HERC1: variants seen among roughly 807,000 people sequenced by gnomAD.
HERC1 encodes probable E3 ubiquitin-protein ligase HERC1.
HERC1 carries 160 observed loss-of-function variants against 554.3 expected under a neutral mutation model. The observed-to-expected ratio is 0.29, with a 90% CI of 0.25 to 0.33. The LOEUF is 0.33. Ranked by LOEUF, HERC1 falls within the 10% of genes least tolerant of loss-of-function variation. The probability of loss-of-function intolerance (pLI) is 1.00; values close to 1 mark genes in which losing one functional copy is unlikely to be tolerated. For synonymous variants in HERC1, 2,175 were observed against 2,131.7 expected, an observed-to-expected ratio of 1.02 and a Z score of -0.56; for missense variants, 4,919 against 5,918.5, an observed-to-expected ratio of 0.83 and a Z score of 5.54.
intron 3 of HERC1, among the ~76,000 whole-genome samples, chr15:63,763,813 G>T (rs967360903): frequency 1.3e-5 from 2 of 152,024 alleles, no homozygotes; most frequent in African/African-American, 4.8e-5. Flanking sequence ...CAATATATGT[G>T]TATGCTTTTC....
chr15:63,717,056 TCAGA>T (rs973404785), intron 21 of HERC1, among the ~76,000 whole-genome samples: 4 of 152,212 alleles, frequency 2.6e-5, no homozygotes, highest in African/African-American at 7.2e-5. Flanking sequence ...AAACAGATAC[TCAGA>T]CAGTCATAAA....
chr15:63,682,283 C>G (rs2071518042), intron 34 of HERC1, among the ~76,000 whole-genome samples: 4 of 152,134 alleles, frequency 2.6e-5, no homozygotes, highest in Non-Finnish European at 5.9e-5. Context: ...ACGCTCTTGG[C>G]CTTGCTAGCT....
At position 63,624,254 on chromosome 15, in the gene HERC1, C is replaced by T; in HGVS notation, c.13349G>A (p.Arg4450Lys). 2 of 1,613,714 alleles carry T rather than the reference C, an allele frequency of 1.2e-6. No homozygotes were observed. The highest frequency in any genetic ancestry group is 1.7e-6 in the Non-Finnish European group (2 of 1,179,740). The change falls in exon 72 of 78, where the codon AGA becomes AAA. Residue 4450 changes from arginine (R) to lysine (K), a missense_variant. Transcript: ENST00000443617. ...GCGCACCATTGGCAGAGTGTAGACT[C>T]TTGGGGCTAACAAAGGCCGAAGTTG... Reference protein sequence around the residue: ...QGQLRPLLAPRVYTLPMVRSI... With the variant: ...QGQLRPLLAPKVYTLPMVRSI...
In HERC1 at chr15:63,775,222, C is replaced by A. The variant is rs764594821; in HGVS notation, c.402G>T (p.Pro134=). ...CATCTGCTGAACCAGAACTGCTCTC[C>A]GGAGAATGCTGCTGCTGCTTCACCT... ...KGKVKQQQHS[P]ESSSGSADVH... Residue 134 remains proline, a synonymous_variant, in exon 2 of 78, where the codon CCG becomes CCT. Transcript: ENST00000443617. The surrounding 1 kb of genome is among the most constrained non-coding windows in gnomAD (Gnocchi z 4.0). 2 of 1,613,866 alleles carry A rather than the reference C, an allele frequency of 1.2e-6. No individual in the cohort carries two copies. Among genetic ancestry groups the A allele is most frequent in the African/African-American group, 1.3e-5 (1 of 74,928 alleles).
intron 51 of HERC1, among the ~76,000 whole-genome samples, chr15:63,653,588 C>T (rs1380831037): frequency 6.6e-6 from 1 of 152,114 alleles, no homozygotes; most frequent in African/African-American, 2.4e-5. Flanking sequence ...TTCCCTGCCC[C>T]AAATTTGCAG....
chr15:63,810,524 T>C (rs949026426), intron 1 of HERC1, among the ~76,000 whole-genome samples: 1 of 152,074 alleles, frequency 6.6e-6, no homozygotes, highest in African/African-American at 2.4e-5. Context: ...TGGGAAAAAC[T>C]AGGAAAATGA....
At chr15:63,642,079 T>C (rs1049926016) in intron 59 of HERC1, among the ~76,000 whole-genome samples, 3 of 152,194 alleles carry the variant, frequency 2.0e-5, no homozygotes, top group Admixed American at 1.3e-4. Context: ...TTACTTGCAG[T>C]AGAACCTTTC....
chr15:63,712,866 A>G lies in HERC1; in HGVS notation c.4493T>C (p.Leu1498Pro). ...TCTATAATTTGGGCTTGTGTGGACT[A>G]GCCGGCTCTCTGCAGTAAGACTTTC... ...RSESLTAESRLVHTSPNYRLI... is the reference protein window; with the variant it reads ...RSESLTAESRPVHTSPNYRLI... Residue 1498 changes from leucine to proline, a missense_variant, in exon 24 of 78, where the codon CTA becomes CCA. By Grantham distance (98) the Leu-to-Pro change is moderately conservative. Around this residue, in one of 11 missense-constraint regions of HERC1, gnomAD observed 1,121 missense variants for 1,244.0 expected, o/e 0.90. Coordinates refer to ENST00000443617, the MANE Select transcript of HERC1 (RefSeq NM_003922.4). The G allele has an allele frequency of 1.9e-6, 3 of 1,613,544 alleles. No individual in the cohort carries two copies. Among genetic ancestry groups the G allele is most frequent in the Non-Finnish European group, 2.5e-6 (3 of 1,179,630 alleles).
At chr15:63,698,091 T>A (rs2153065874) in intron 26 of HERC1, among the ~76,000 whole-genome samples, 1 of 152,234 alleles carries the variant, frequency 6.6e-6, no homozygotes, top group South Asian at 2.1e-4. Flanking sequence ...GAAGCAGGTG[T>A]CTAATTTAAA....
chr15:63,653,413 A>G (rs1191769627), intron 51 of HERC1, among the ~76,000 whole-genome samples: 1 of 152,200 alleles, frequency 6.6e-6, no homozygotes, highest in Non-Finnish European at 1.5e-5. Context: ...ACTGTACTTC[A>G]GTCTGGGTGA....
In HERC1 at chr15:63,656,242, G is replaced by C; in HGVS notation, c.9716C>G (p.Pro3239Arg). 6.2e-7 allele frequency: 1 copy of C among 1,613,818 alleles called. No individual in the cohort carries two copies. The highest frequency in any genetic ancestry group is 1.1e-5 in the South Asian group (1 of 91,058). ...AAGRAGLSTSPSAMASTSERS... is the reference protein window; with the variant it reads ...AAGRAGLSTSRSAMASTSERS... ...TTCTGAGGTGCTAGCCATGGCAGAA[G>C]GGCTGGTGGAGAGGCCAGCTCTCCC... is the stretch of plus-strand genomic sequence containing the variant. Residue 3239 changes from proline to arginine, a missense_variant, in exon 49 of 78, where the codon CCT (proline) becomes CGT (arginine). Physicochemically the swap from Pro to Arg is moderately radical, Grantham distance 103. This residue lies in a region of HERC1 where 1,963 missense variants were observed against 2,228.6 expected (regional missense o/e 0.88). Transcript: ENST00000443617.
intron 14 of HERC1, among the ~76,000 whole-genome samples, chr15:63,731,961 A>C (rs1050385356): frequency 2.6e-5 from 4 of 152,150 alleles, no homozygotes; most frequent in Non-Finnish European, 5.9e-5. Context: ...TCAGATAAGA[A>C]TGGTGTGTGA....
At chr15:63,769,181 G>C (rs531348969) in intron 2 of HERC1, among the ~76,000 whole-genome samples, 17 of 152,062 alleles carry the variant, frequency 1.1e-4, no homozygotes, top group Non-Finnish European at 2.4e-4. Context: ...ACTTTGGGAG[G>C]CCTATGCAGG....
In HERC1 at chr15:63,712,965, T is replaced by C. The variant is rs1459870283; in HGVS notation, c.4464-70A>G. On this transcript the variant is annotated intron_variant, in intron 23 of 77. Coordinates refer to ENST00000443617, the MANE Select transcript of HERC1 (RefSeq NM_003922.4). Reference sequence around the variant, plus strand: ...TTAGTGAACATAAAATTGAATGGAATTGGAGCACAGAGATAATATACACAC... The same window carrying C: ...TTAGTGAACATAAAATTGAATGGAACTGGAGCACAGAGATAATATACACAC... The C allele has an allele frequency of 2.8e-6, 4 of 1,434,348 alleles. No individual in the cohort carries two copies. The African/African-American group carries it at 4.2e-5, about 15-fold the overall frequency. The allele number at this position is 1,434,348 out of a possible 1,614,324, so 88.9% of individuals were successfully genotyped here.
chr15:63,702,941 T>C (rs1176077133), intron 25 of HERC1, among the ~76,000 whole-genome samples: 1 of 151,872 alleles, frequency 6.6e-6, no homozygotes, highest in East Asian at 1.9e-4. Flanking sequence ...CCGTCTCTAC[T>C]AAAAATACAA....
intron 57 of HERC1, among the ~76,000 whole-genome samples, chr15:63,644,542 T>C (rs2069232822): frequency 6.6e-6 from 1 of 152,202 alleles, no homozygotes; most frequent in Non-Finnish European, 1.5e-5. Context: ...CCAAACCTTC[T>C]AACCCTAGCT....
chr15:63,640,292 G>C lies in HERC1; in HGVS notation c.11761C>G (p.Pro3921Ala), dbSNP rs377131166. The C allele has an allele frequency of 1.2e-6, 2 of 1,613,810 alleles. No individual in the cohort carries two copies. Among genetic ancestry groups the C allele is most frequent in the African/African-American group, 2.7e-5 (2 of 74,904 alleles). The change falls in exon 61 of 78, where the codon CCA becomes GCA. Residue 3921 changes from proline to alanine, a missense_variant. Pro to Ala is a conservative substitution (Grantham distance 27). Transcript: ENST00000443617. ...CATTCTAACCAGGCCCATTCATTTG[G>C]ATTCCAGGATGCAGGGTCAGGGAGA... ...NCLPDPASWNPNEWAWLECFS... is the reference protein window; with the variant it reads ...NCLPDPASWNANEWAWLECFS...
chr15:63,663,902 A>G (rs1214963250), intron 43 of HERC1, among the ~76,000 whole-genome samples: 1 of 152,280 alleles, frequency 6.6e-6, no homozygotes, highest in Non-Finnish European at 1.5e-5. Flanking sequence ...CTCATGTTAT[A>G]GTATTTCAGT....
chr15:63,772,276 A>G (rs1413745795), intron 2 of HERC1, among the ~76,000 whole-genome samples: 1 of 152,204 alleles, frequency 6.6e-6, no homozygotes, highest in Non-Finnish European at 1.5e-5. Flanking sequence ...ATTGTAGAAT[A>G]AGGCCTTAGA....
Sources: allele counts gnomAD v4.1 joint callset (sites outside exome capture counted in the v4.1 genomes callset), GRCh38; gene constraint gnomAD v4.1.1; regional missense constraint gnomAD v4.1.1; non-coding constraint Gnocchi (gnomAD v3.1); transcripts MANE v1.5; gene names NCBI Gene and HGNC (gene_info 2026-07-23, HGNC 2026-07-21).